Variants in PALM2AKAP2 observed in about 807,000 individuals in gnomAD.
PALM2AKAP2 encodes the protein PALM2 and AKAP2 fusion, also known as PALM2-AKAP2 fusion protein.
A neutral mutation model predicts 71.5 loss-of-function variants in PALM2AKAP2; 37 were observed. The observed-to-expected ratio is 0.52, with a 90% CI of 0.40 to 0.68. The LOEUF (loss-of-function observed/expected upper bound fraction) is 0.68, where lower values mean the gene tolerates loss of function less well. Among genes scored for constraint, PALM2AKAP2 ranks in the 30% least tolerant of loss-of-function variants. The probability of loss-of-function intolerance (pLI) is 0.00; values close to 1 mark genes in which losing one functional copy is unlikely to be tolerated. For synonymous variants in PALM2AKAP2, 468 were observed against 478.8 expected, an observed-to-expected ratio of 0.98 and a Z score of 0.29; for missense variants, 1,224 against 1,191.8, an observed-to-expected ratio of 1.03 and a Z score of -0.40.
chr9:110,001,241 G>C (rs1308524033), intron 6 of PALM2AKAP2, among the ~76,000 whole-genome samples: 1 of 152,174 alleles, frequency 6.6e-6, no homozygotes, highest in Non-Finnish European at 1.5e-5. Flanking sequence ...TGGCTAGCCA[G>C]TTTTCCCAGC....
chr9:109,825,643 G>A (rs970749449), intron 1 of PALM2AKAP2, among the ~76,000 whole-genome samples: 5 of 152,182 alleles, frequency 3.3e-5, no homozygotes, highest in African/African-American at 1.2e-4. Context: ...TCAGAGAAAT[G>A]CAAATCAAAA....
intron 3 of PALM2AKAP2, among the ~76,000 whole-genome samples, chr9:109,906,663 C>T (rs1334921499): frequency 7.9e-5 from 12 of 152,242 alleles, no homozygotes; most frequent in Admixed American, 7.8e-4. Context: ...CTTGGCTTCA[C>T]CATCCCTTGC....
chr9:109,800,380 T>C (rs1827389826), intron 1 of PALM2AKAP2, among the ~76,000 whole-genome samples: 1 of 152,222 alleles, frequency 6.6e-6, no homozygotes, highest in African/African-American at 2.4e-5. Context: ...TTATCACTGT[T>C]TTAACAGAAG....
At chr9:110,069,248 GTCCGA>G (rs1834153917) in intron 1 of PALM2AKAP2, among the ~76,000 whole-genome samples, 1 of 152,232 alleles carries the variant, frequency 6.6e-6, no homozygotes, top group African/African-American at 2.4e-5. Context: ...TCAGTAACAA[GTCCGA>G]CATGGCTGGC....
At chr9:109,960,806 C>T (rs955913733) in intron 6 of PALM2AKAP2, among the ~76,000 whole-genome samples, 3 of 152,164 alleles carry the variant, frequency 2.0e-5, no homozygotes, top group African/African-American at 4.8e-5. Flanking sequence ...AGAGGAGAGG[C>T]TGAACTTCCC....
chr9:110,157,982 G>A (rs1836500394), intron 3 of PALM2AKAP2, among the ~76,000 whole-genome samples: 1 of 152,202 alleles, frequency 6.6e-6, no homozygotes, highest in Non-Finnish European at 1.5e-5. Context: ...TGAACTGCGT[G>A]GAGCACTGGC....
At chr9:109,748,404 G>A (rs1202106761) in intron 1 of PALM2AKAP2, among the ~76,000 whole-genome samples, 6 of 152,042 alleles carry the variant, frequency 3.9e-5, no homozygotes. Flanking sequence ...CTGGGGCATC[G>A]GCCTTAAACA....
At chr9:109,834,045 T>C (rs1828384432) in intron 1 of PALM2AKAP2, among the ~76,000 whole-genome samples, 1 of 152,256 alleles carries the variant, frequency 6.6e-6, no homozygotes, top group Non-Finnish European at 1.5e-5. Context: ...AAACCCCGTC[T>C]CTACTAAAAA....
chr9:109,862,527 C>T (rs73655597), intron 1 of PALM2AKAP2, among the ~76,000 whole-genome samples: 6,343 of 152,262 alleles, frequency 0.042, 437 homozygotes, highest in African/African-American at 0.14. Flanking sequence ...ATCCGTGTGT[C>T]TGTCCCTAGA....
intron 1 of PALM2AKAP2, among the ~76,000 whole-genome samples, chr9:109,728,724 A>C (rs146059984): frequency 2.6e-5 from 4 of 152,308 alleles, no homozygotes; most frequent in African/African-American, 9.6e-5. Context: ...GCAGAAAAAT[A>C]GTTCAAATTT....
At chr9:109,899,940 C>A (rs1262485381) in intron 3 of PALM2AKAP2, among the ~76,000 whole-genome samples, 1 of 152,208 alleles carries the variant, frequency 6.6e-6, no homozygotes, top group Non-Finnish European at 1.5e-5. Flanking sequence ...TTTTCTCTAT[C>A]CTCCTCTAGC....
intron 1 of PALM2AKAP2, among the ~76,000 whole-genome samples, chr9:109,715,281 A>T (rs573830683): frequency 6.6e-6 from 1 of 152,310 alleles, no homozygotes; most frequent in South Asian, 2.1e-4. Context: ...AAATGTACAA[A>T]AGTGGTCCAG....
chr9:109,890,279 A>G (rs1432505636), intron 3 of PALM2AKAP2, among the ~76,000 whole-genome samples: 2 of 152,252 alleles, frequency 1.3e-5, no homozygotes, highest in Non-Finnish European at 2.9e-5. Flanking sequence ...CACAATCCCC[A>G]CTTCGTGTTT....
chr9:109,854,436 A>G (rs1047756235), intron 1 of PALM2AKAP2, among the ~76,000 whole-genome samples: 4 of 152,242 alleles, frequency 2.6e-5, no homozygotes, highest in African/African-American at 4.8e-5. Flanking sequence ...ATTCTCTCAG[A>G]AGATGCTGAG....
At chr9:110,036,677 A>T (rs1483464537) in intron 7 of PALM2AKAP2, among the ~76,000 whole-genome samples, 4 of 152,092 alleles carry the variant, frequency 2.6e-5, no homozygotes, top group Admixed American at 2.0e-4. Flanking sequence ...CTTATTCAGG[A>T]AAATAGGTAA....
chr9:109,928,907 T>G (rs931131413), intron 5 of PALM2AKAP2, among the ~76,000 whole-genome samples: 2 of 152,140 alleles, frequency 1.3e-5, no homozygotes, highest in African/African-American at 4.8e-5. Context: ...CCTCAAGTGA[T>G]CTGCCTGCCT....
At chr9:110,143,312 C>T (rs1836080655) in intron 2 of PALM2AKAP2, among the ~76,000 whole-genome samples, 2 of 143,708 alleles carry the variant, frequency 1.4e-5, no homozygotes, top group African/African-American at 5.2e-5. Flanking sequence ...GTCCCAGCTA[C>T]TTGGGAAGCT....
rs545592282 is a variant in PALM2AKAP2, at chr9:110,164,780, C to T, written c.2749-3619C>T. ...ACCTAGTCTCAAGCAATCTGCCTGC[C>T]TTGGCCTCCCAAACTGCTGGGATTA... On this transcript the variant is annotated intron_variant, in intron 3 of 3. Coordinates refer to ENST00000374525, the Ensembl canonical transcript of PALM2AKAP2. Among the ~76,000 whole-genome samples, 88 of 152,280 alleles carry T rather than the reference C, an allele frequency of 5.8e-4. 1 individual carries two copies. Among genetic ancestry groups the T allele is most frequent in the South Asian group, 1.2e-3 (6 of 4,826 alleles).
Position 109,691,881 on chromosome 9 carries a change from CAT to C in PALM2AKAP2, c.5+51035_5+51036del, listed in dbSNP as rs1184403919. ...ATATATATATATACACACACACACA[CAT>C]ATATATATATATATATATACACACA... On this transcript the variant is annotated intron_variant, in intron 1 of 6. Coordinates refer to the PALM2AKAP2 transcript ENST00000374531. Among the ~76,000 whole-genome samples, 145 of 46,484 alleles carry C rather than the reference CAT, an allele frequency of 3.1e-3. 4 individuals are homozygous for C. Among genetic ancestry groups the C allele is most frequent in the Admixed American group, 0.012 (46 of 3,858 alleles). The allele number at this position is 46,484 out of a possible 152,430, so 30.5% of individuals were successfully genotyped here. A position where few individuals can be genotyped will look rare whatever the true frequency, so the allele number is the denominator to read the frequency against.
Sources: gnomAD v4.1 joint callset for allele counts (sites outside exome capture counted in the v4.1 genomes callset) on GRCh38, gnomAD v4.1.1 for gene constraint, MANE v1.5 for transcripts, NCBI Gene and HGNC (gene_info 2026-07-23, HGNC 2026-07-21) for gene names.